Variants in PCSK5 observed in about 807,000 individuals in gnomAD.
The protein encoded by PCSK5 is prohormone convertase 5.
Under a neutral mutation model 233.2 loss-of-function variants are expected in PCSK5, and 129 were observed. The observed-to-expected ratio is 0.55, with a 90% CI of 0.48 to 0.64. PCSK5 has a LOEUF of 0.64. Ranked by LOEUF, PCSK5 falls within the 30% of genes least tolerant of loss-of-function variation. PCSK5 has a pLI of 0.00. For synonymous variants in PCSK5, 825 were observed against 879.2 expected (o/e 0.94, Z 1.09); for missense variants, 2,076 against 2,430.1 (o/e 0.85, Z 3.06).
intron 14 of PCSK5, 83 bp downstream of exon 14, chr9:76,175,212 G>A (rs1564081063): frequency 5.3e-6 from 3 of 564,960 alleles, no homozygotes; most frequent in Non-Finnish European, 9.3e-6. Context: ...GAATGGAATG[G>A]AATGGAATGA....
chr9:76,246,327 G>T (rs1003075133), intron 24 of PCSK5, among the ~76,000 whole-genome samples: 3 of 124,806 alleles, frequency 2.4e-5, no homozygotes, highest in Non-Finnish European at 3.2e-5. Flanking sequence ...GGGCGACAGA[G>T]CGAGATTCCA....
chr9:76,136,154 G>A (rs1822965968), intron 10 of PCSK5, among the ~76,000 whole-genome samples: 2 of 151,910 alleles, frequency 1.3e-5, no homozygotes, highest in Admixed American at 1.3e-4. Flanking sequence ...GGCTCCCAGT[G>A]GGATTGTTTT....
rs185869477 is a variant in PCSK5 at position 75,949,310 on chromosome 9, T to G, written c.297+16827T>G. 1.9e-4 allele frequency among the ~76,000 whole-genome samples: 29 copies of G among 151,968 alleles called. 2 individuals are homozygous for G. The East Asian group carries it at 5.6e-3, about 29-fold the overall frequency. ...GTGTAAGTACTGAGGCATAACTTTT[T>G]TTTTCAAATGGGGTTGGAGCATTTG... On this transcript the variant is annotated intron_variant, in intron 2 of 37. Transcript: ENST00000674117.
intron 17 of PCSK5, among the ~76,000 whole-genome samples, chr9:76,187,418 G>C (rs1824157861): frequency 1.3e-5 from 2 of 151,906 alleles, no homozygotes; most frequent in South Asian, 4.2e-4. Flanking sequence ...AGCCAAGCTA[G>C]AGTGCAGTGG....
chr9:75,955,428 G>A (rs1208162173), intron 2 of PCSK5, among the ~76,000 whole-genome samples: 1 of 152,124 alleles, frequency 6.6e-6, no homozygotes, highest in African/African-American at 2.4e-5. Context: ...TTTTTGAAAT[G>A]ATTTAACTAA....
intron 20 of PCSK5, among the ~76,000 whole-genome samples, chr9:76,211,390 G>A (rs1825324149): frequency 6.6e-6 from 1 of 152,202 alleles, no homozygotes; most frequent in African/African-American, 2.4e-5. Context: ...TTTGGAGAGG[G>A]AACAAGACAA....
chr9:76,102,450 C>G (rs1185276442), intron 8 of PCSK5, among the ~76,000 whole-genome samples: 6 of 152,276 alleles, frequency 3.9e-5, no homozygotes, highest in African/African-American at 7.2e-5. Flanking sequence ...GTAGATAAAG[C>G]ATCTCTAATA....
At chr9:75,902,348 A>G (rs759704588) in intron 1 of PCSK5, among the ~76,000 whole-genome samples, 1 of 151,678 alleles carries the variant, frequency 6.6e-6, no homozygotes, top group Non-Finnish European at 1.5e-5. Flanking sequence ...AAAAGGTGCC[A>G]CTTCTGAAGT....
intron 3 of PCSK5, among the ~76,000 whole-genome samples, chr9:75,992,232 C>T (rs561226855): frequency 4.6e-5 from 7 of 152,132 alleles, no homozygotes; most frequent in Non-Finnish European, 8.8e-5. Context: ...TCATCACTTG[C>T]GCTGAATTCG....
At chr9:76,325,932 C>T (rs541428456) in intron 32 of PCSK5, among the ~76,000 whole-genome samples, 12 of 152,210 alleles carry the variant, frequency 7.9e-5, no homozygotes, top group South Asian at 2.1e-4. Flanking sequence ...CCACCATGCC[C>T]GGCCGCCATT....
At chr9:76,218,916 A>T (rs1825633544) in intron 20 of PCSK5, among the ~76,000 whole-genome samples, 1 of 152,210 alleles carries the variant, frequency 6.6e-6, no homozygotes, top group Admixed American at 6.5e-5. Context: ...GGTCACTCCC[A>T]ATAAATCATT....
intron 24 of PCSK5, among the ~76,000 whole-genome samples, chr9:76,274,589 G>A (rs2131377843): frequency 6.6e-6 from 1 of 150,892 alleles, no homozygotes; most frequent in Non-Finnish European, 1.5e-5. Context: ...TGGTCTTAAG[G>A]CATTACTTAC....
At chr9:76,285,576 G>A (rs1039230044) in intron 24 of PCSK5, among the ~76,000 whole-genome samples, 10 of 152,054 alleles carry the variant, frequency 6.6e-5, no homozygotes, top group African/African-American at 2.2e-4. Flanking sequence ...TGGCTTGCAT[G>A]GGGTATGAAT....
intron 24 of PCSK5, chr9:76,286,916 C>T (rs1296974042): frequency 4.1e-6 from 1 of 243,688 alleles, no homozygotes; most frequent in Admixed American, 5.1e-5. Flanking sequence ...GACTTCTCTA[C>T]AGCCACTTGT....
chr9:76,261,313 T>C (rs934617417), intron 24 of PCSK5, among the ~76,000 whole-genome samples: 4 of 152,186 alleles, frequency 2.6e-5, no homozygotes, highest in African/African-American at 9.6e-5. Context: ...TTTCTCCAAA[T>C]AGGAAAAGAA....
intron 24 of PCSK5, among the ~76,000 whole-genome samples, chr9:76,253,990 C>T (rs932026200): frequency 6.6e-6 from 1 of 152,154 alleles, no homozygotes; most frequent in African/African-American, 2.4e-5. Flanking sequence ...GCTACATCTT[C>T]ATCATGGGTG....
At chr9:76,187,391 CAG>C (rs376622768) in intron 17 of PCSK5, among the ~76,000 whole-genome samples, 39 of 151,774 alleles carry the variant, frequency 2.6e-4, no homozygotes, top group African/African-American at 9.2e-4. Flanking sequence ...TTTTAAGAGA[CAG>C]AGTCTTGCTC....
At chr9:75,996,700 A>C (rs1426362349) in intron 3 of PCSK5, among the ~76,000 whole-genome samples, 1 of 151,732 alleles carries the variant, frequency 6.6e-6, no homozygotes, top group Admixed American at 6.6e-5. Flanking sequence ...ACAAGATACA[A>C]CTTATTTCAT....
At chr9:75,930,232 C>T (rs766388830) in intron 1 of PCSK5, among the ~76,000 whole-genome samples, 2 of 152,118 alleles carry the variant, frequency 1.3e-5, no homozygotes, top group African/African-American at 4.8e-5. Flanking sequence ...TCAGTTATCT[C>T]CCACTGGGTC....
Sources: gnomAD v4.1 joint callset for allele counts (sites outside exome capture counted in the v4.1 genomes callset) on GRCh38, gnomAD v4.1.1 for gene constraint, MANE v1.5 for transcripts, NCBI Gene and HGNC (gene_info 2026-07-23, HGNC 2026-07-21) for gene names.